GRIK1: variants seen among roughly 807,000 people sequenced by gnomAD.
GRIK1 encodes the protein glutamate receptor ionotropic, kainate 1.
In GRIK1, 69 loss-of-function variants were observed where a neutral mutation model predicts 105.7. That is an observed-to-expected ratio of 0.65 (90% CI 0.54 to 0.80). The LOEUF (loss-of-function observed/expected upper bound fraction) is 0.80, where lower values mean the gene tolerates loss of function less well. GRIK1 is among the 30% of genes least tolerant of loss of function. GRIK1 has a pLI of 0.00. For missense variants in GRIK1, 1,109 were observed against 1,167.3 expected (o/e 0.95, Z 0.73); for synonymous variants, 438 against 431.3 (o/e 1.02, Z -0.19).
At chr21:29,745,754 T>C (rs2065033082) in intron 1 of GRIK1, among the ~76,000 whole-genome samples, 1 of 152,170 alleles carries the variant, frequency 6.6e-6, no homozygotes, top group Admixed American at 6.5e-5. Context: ...CACAAAATAT[T>C]GTATGGTAAA....
At chr21:29,735,346 T>C (rs1250210287) in intron 1 of GRIK1, among the ~76,000 whole-genome samples, 1 of 152,182 alleles carries the variant, frequency 6.6e-6, no homozygotes, top group Admixed American at 6.5e-5. Flanking sequence ...GTCCAACTCA[T>C]AAAGTGAGGC....
intron 14 of GRIK1, among the ~76,000 whole-genome samples, chr21:29,572,428 C>G (rs1290304012): frequency 6.6e-6 from 1 of 152,202 alleles, no homozygotes; most frequent in African/African-American, 2.4e-5. Flanking sequence ...CCCTCTTTCC[C>G]TCTCGGCTTC....
intron 1 of GRIK1, among the ~76,000 whole-genome samples, chr21:29,864,050 C>T (rs1369422978): frequency 6.6e-6 from 1 of 151,934 alleles, no homozygotes; most frequent in African/African-American, 2.4e-5. Flanking sequence ...TCTCTGGCCA[C>T]TCTCTGTTAT....
intron 16 of GRIK1, among the ~76,000 whole-genome samples, chr21:29,547,404 T>C (rs899098408): frequency 1.3e-5 from 2 of 152,266 alleles, no homozygotes; most frequent in Non-Finnish European, 2.9e-5. Flanking sequence ...TATCACTGCT[T>C]CTATGTTTTT....
At chr21:29,724,062 A>G (rs1363631482) in intron 1 of GRIK1, among the ~76,000 whole-genome samples, 3 of 152,216 alleles carry the variant, frequency 2.0e-5, no homozygotes, top group African/African-American at 7.2e-5. Flanking sequence ...TTGGAGATGT[A>G]CATATATAAT....
At chr21:29,882,339 G>A (rs989978469) in intron 1 of GRIK1, among the ~76,000 whole-genome samples, 6 of 151,894 alleles carry the variant, frequency 4.0e-5, no homozygotes, top group Admixed American at 2.0e-4. Flanking sequence ...ATTTTTAAAC[G>A]TTTTAACATT....
intron 1 of GRIK1, among the ~76,000 whole-genome samples, chr21:29,811,270 C>A (rs2067002392): frequency 6.6e-6 from 1 of 152,106 alleles, no homozygotes; most frequent in African/African-American, 2.4e-5. Flanking sequence ...AGGCATTAGA[C>A]AAGGTCAGAA....
chr21:29,558,376 T>TCACACACACACACACACACACACA (rs35594883), intron 15 of GRIK1, among the ~76,000 whole-genome samples: 1,975 of 146,940 alleles, frequency 0.013, 42 homozygotes, highest in African/African-American at 0.047. Context: ...TATATATATT[T>TCACACACACACACACACACACACA]CACACACACA....
intron 1 of GRIK1, among the ~76,000 whole-genome samples, chr21:29,841,742 T>C (rs143828637): frequency 2.9e-3 from 441 of 152,288 alleles, no homozygotes; most frequent in Middle Eastern, 0.017. Flanking sequence ...AGGTATATAC[T>C]GTTTTTTGTT....
chr21:29,918,759 A>C (rs1310104039), intron 1 of GRIK1, among the ~76,000 whole-genome samples: 2 of 152,056 alleles, frequency 1.3e-5, no homozygotes, highest in Non-Finnish European at 2.9e-5. Flanking sequence ...CCTAACTGAA[A>C]TGATTGTGGA....
At chr21:29,709,317 G>A (rs1601505049) in intron 1 of GRIK1, among the ~76,000 whole-genome samples, 1 of 119,066 alleles carries the variant, frequency 8.4e-6, no homozygotes, top group South Asian at 2.6e-4. Flanking sequence ...GTCTAGCTCT[G>A]TTGCCCAGAT....
chr21:29,558,328 GTTA>G (rs1181105185), intron 15 of GRIK1, among the ~76,000 whole-genome samples: 7 of 149,328 alleles, frequency 4.7e-5, no homozygotes, highest in Admixed American at 2.0e-4. Flanking sequence ...GACATTGGAA[GTTA>G]TTATGTCACT....
chr21:29,709,278 CTTTTT>C (rs35378548), intron 1 of GRIK1, among the ~76,000 whole-genome samples: 2 of 127,904 alleles, frequency 1.6e-5, no homozygotes, highest in Admixed American at 8.0e-5. Flanking sequence ...TACTCTTCTT[CTTTTT>C]TTTTTTTTTT....
At chr21:29,905,836 C>T (rs539783389) in intron 1 of GRIK1, among the ~76,000 whole-genome samples, 28 of 152,070 alleles carry the variant, frequency 1.8e-4, no homozygotes, top group Non-Finnish European at 3.5e-4. Context: ...CCATGTTGGC[C>T]AGGCTGGACT....
At chr21:29,881,010 G>A (rs1195163070) in intron 1 of GRIK1, among the ~76,000 whole-genome samples, 1 of 152,134 alleles carries the variant, frequency 6.6e-6, no homozygotes, top group Non-Finnish European at 1.5e-5. Context: ...TTTGTTTTGA[G>A]AAGCACCCAG....
intron 1 of GRIK1, among the ~76,000 whole-genome samples, chr21:29,738,757 A>G (rs2064856621): frequency 6.6e-6 from 1 of 152,214 alleles, no homozygotes; most frequent in Admixed American, 6.5e-5. Context: ...TAGAATGTAA[A>G]AGGAACTTGA....
At chr21:29,749,380 G>A (rs947235720) in intron 1 of GRIK1, among the ~76,000 whole-genome samples, 4 of 152,204 alleles carry the variant, frequency 2.6e-5, no homozygotes, top group Admixed American at 6.5e-5. Flanking sequence ...CTTTGTCACC[G>A]ATCTAACGTA....
At chr21:29,770,682 C>T (rs1435464121) in intron 1 of GRIK1, among the ~76,000 whole-genome samples, 1 of 152,212 alleles carries the variant, frequency 6.6e-6, no homozygotes, top group African/African-American at 2.4e-5. Flanking sequence ...CTTCTTGTTC[C>T]AACTTGCTTC....
At chr21:29,605,476 A>G (rs763087514) in intron 7 of GRIK1, among the ~76,000 whole-genome samples, 25 of 152,094 alleles carry the variant, frequency 1.6e-4, no homozygotes, top group Non-Finnish European at 2.6e-4. Context: ...TTGATGGGCA[A>G]TTGGGTTGGT....
Sources: allele counts gnomAD v4.1 joint callset (sites outside exome capture counted in the v4.1 genomes callset), GRCh38; gene constraint gnomAD v4.1.1; transcripts MANE v1.5; gene names NCBI Gene and HGNC (gene_info 2026-07-23, HGNC 2026-07-21).